Variants in LUZP2 observed in about 807,000 individuals in gnomAD.
LUZP2 encodes the protein leucine zipper protein 2.
In LUZP2, 52 loss-of-function variants were observed where a neutral mutation model predicts 51.6. The observed-to-expected ratio is 1.01, with a 90% CI of 0.81 to 1.27. The LOEUF (loss-of-function observed/expected upper bound fraction) is 1.27, where lower values mean the gene tolerates loss of function less well. LUZP2 is among the 50% of genes most tolerant of loss of function. The pLI is 0.00. For missense variants in LUZP2, 436 were observed against 395.4 expected (o/e 1.10, Z -0.87); for synonymous variants, 154 against 137.3 (o/e 1.12, Z -0.85).
chr11:25,025,560 C>A (rs1467631510), intron 9 of LUZP2, among the ~76,000 whole-genome samples: 1 of 152,126 alleles, frequency 6.6e-6, no homozygotes, highest in Non-Finnish European at 1.5e-5. Flanking sequence ...CATCACTGGT[C>A]ATCAGAGAAA....
chr11:24,918,196 A>T (rs977130897), intron 7 of LUZP2, among the ~76,000 whole-genome samples: 1 of 152,110 alleles, frequency 6.6e-6, no homozygotes, highest in Admixed American at 6.6e-5. Context: ...GCATCCTGAG[A>T]CTTTGCTGAA....
chr11:24,874,469 A>G lies in LUZP2; in HGVS notation c.397-31522A>G, dbSNP rs913117030. On this transcript the variant is annotated intron_variant, in intron 5 of 11. Transcript: ENST00000336930. Reference sequence around the variant, plus strand: ...ATGAGCCCACCCATAACATGGTTACATAACTGATTATATAATGCACAGGAC... The same window carrying G: ...ATGAGCCCACCCATAACATGGTTACGTAACTGATTATATAATGCACAGGAC... Among the ~76,000 whole-genome samples the G allele has an allele frequency of 2.5e-4, 38 of 152,174 alleles. 1 individual carries two copies. The highest frequency in any genetic ancestry group is 8.2e-4 in the African/African-American group (34 of 41,446).
intron 9 of LUZP2, among the ~76,000 whole-genome samples, chr11:25,041,927 A>G (rs1858074030): frequency 6.6e-6 from 1 of 152,154 alleles, no homozygotes; most frequent in Admixed American, 6.5e-5. Context: ...TGCGTGTGCG[A>G]GGGATCTGGG....
chr11:24,904,055 T>C (rs1185501580), intron 5 of LUZP2, among the ~76,000 whole-genome samples: 14 of 152,068 alleles, frequency 9.2e-5, no homozygotes, highest in Admixed American at 9.2e-4. Context: ...TTCCATACTG[T>C]TTTCCGTAAT....
intron 5 of LUZP2, among the ~76,000 whole-genome samples, chr11:24,840,053 A>T (rs1438488166): frequency 6.6e-6 from 1 of 151,704 alleles, no homozygotes; most frequent in Non-Finnish European, 1.5e-5. Context: ...ATAATACAAA[A>T]TTTTTTAAAT....
At chr11:24,599,837 C>G (rs1853561497) in intron 1 of LUZP2, among the ~76,000 whole-genome samples, 1 of 152,102 alleles carries the variant, frequency 6.6e-6, no homozygotes, top group Admixed American at 6.6e-5. Context: ...CAAGATTTTC[C>G]TCATTCATAT....
intron 7 of LUZP2, among the ~76,000 whole-genome samples, chr11:24,950,648 T>C (rs1390708465): frequency 3.3e-5 from 5 of 151,618 alleles, no homozygotes; most frequent in Non-Finnish European, 5.9e-5. Context: ...TAAAGACCAT[T>C]TTTTGCTGAA....
chr11:24,715,815 A>AT (rs1480649737), intron 1 of LUZP2, among the ~76,000 whole-genome samples: 1 of 152,084 alleles, frequency 6.6e-6, no homozygotes, highest in Non-Finnish European at 1.5e-5. Flanking sequence ...GTTTGCATAT[A>AT]TTTTTTCAAA....
intron 7 of LUZP2, among the ~76,000 whole-genome samples, chr11:24,919,583 C>T (rs554997346): frequency 1.4e-5 from 2 of 144,372 alleles, no homozygotes; most frequent in African/African-American, 2.5e-5. Context: ...TTTAAATACA[C>T]AGGATAGCTT....
intron 5 of LUZP2, among the ~76,000 whole-genome samples, chr11:24,805,771 G>T (rs1849837984): frequency 2.0e-5 from 3 of 152,154 alleles, no homozygotes; most frequent in African/African-American, 2.4e-5. Flanking sequence ...TAAGTAGTTT[G>T]GGAAAAGGAA....
intron 8 of LUZP2, among the ~76,000 whole-genome samples, chr11:24,980,498 A>T (rs959112420): frequency 6.6e-6 from 1 of 151,664 alleles, no homozygotes; most frequent in African/African-American, 2.4e-5. Context: ...ACAAAACACT[A>T]ACCTATATTC....
chr11:24,580,258 C>T (rs778078889), intron 1 of LUZP2, among the ~76,000 whole-genome samples: 19 of 152,078 alleles, frequency 1.2e-4, no homozygotes, highest in Non-Finnish European at 1.8e-4. Context: ...GATTTTATTA[C>T]ATTCTGGTGC....
intron 4 of LUZP2, among the ~76,000 whole-genome samples, chr11:24,747,022 A>G (rs1859406604): frequency 6.6e-6 from 1 of 152,120 alleles, no homozygotes; most frequent in South Asian, 2.1e-4. Context: ...TGATTAGGTT[A>G]ATAACTAACC....
rs181452694 is a variant in LUZP2, at chr11:24,895,238, C to T, written c.397-10753C>T. ...GAACCTTAGAGTAGGCTAGAAAATT[C>T]GCTCTTGGAAGAACCCAGCAAGTGG... is the stretch of plus-strand genomic sequence containing the variant. On this transcript the variant is annotated intron_variant, in intron 5 of 11. Transcript: ENST00000336930. 4.5e-3 allele frequency among the ~76,000 whole-genome samples: 691 copies of T among 152,148 alleles called. 1 individual carries two copies. The highest frequency in any genetic ancestry group is 4.6e-3 in the Non-Finnish European group (314 of 68,022).
chr11:24,822,417 C>A (rs927728425), intron 5 of LUZP2, among the ~76,000 whole-genome samples: 3 of 152,074 alleles, frequency 2.0e-5, no homozygotes, highest in African/African-American at 7.2e-5. Flanking sequence ...GACGTATTCT[C>A]ATCACTAGTG....
chr11:24,633,452 C>G (rs571291253), intron 1 of LUZP2, among the ~76,000 whole-genome samples: 12 of 151,808 alleles, frequency 7.9e-5, no homozygotes, highest in Admixed American at 7.2e-4. Context: ...CCTAGCCACT[C>G]CATGAAAATC....
chr11:25,004,630 A>T (rs754674402), intron 9 of LUZP2, among the ~76,000 whole-genome samples: 17 of 152,204 alleles, frequency 1.1e-4, no homozygotes, highest in Non-Finnish European at 2.1e-4. Context: ...TAGGCCTCCC[A>T]TAGCCAGTCG....
intron 4 of LUZP2, among the ~76,000 whole-genome samples, chr11:24,755,233 G>C (rs1182731846): frequency 6.6e-6 from 1 of 152,050 alleles, no homozygotes; most frequent in Non-Finnish European, 1.5e-5. Context: ...TCAGAGAGCT[G>C]ATAATACCAA....
chr11:24,521,807 C>G (rs1174123365), intron 1 of LUZP2, among the ~76,000 whole-genome samples: 5 of 151,966 alleles, frequency 3.3e-5, no homozygotes, highest in Non-Finnish European at 7.4e-5. Context: ...CCATTGAATA[C>G]CAGCAATGTT....
Sources: allele counts gnomAD v4.1 joint callset (sites outside exome capture counted in the v4.1 genomes callset), GRCh38; gene constraint gnomAD v4.1.1; transcripts MANE v1.5; gene names NCBI Gene and HGNC (gene_info 2026-07-23, HGNC 2026-07-21).